NHSL2: variants seen among roughly 807,000 people sequenced by gnomAD.
The protein encoded by NHSL2 is NHS like 2, also known as NHS-like protein 2.
In NHSL2, 27 loss-of-function variants were observed where a neutral mutation model predicts 53.4. The observed-to-expected ratio is 0.51, with a 90% CI of 0.37 to 0.70. The LOEUF (loss-of-function observed/expected upper bound fraction) is 0.70. NHSL2 is among the 30% of genes least tolerant of loss of function. The pLI is 0.00. For synonymous variants in NHSL2, 408 were observed against 404.1 expected, an observed-to-expected ratio of 1.01 and a Z score of -0.12; for missense variants, 892 against 980.1, an observed-to-expected ratio of 0.91 and a Z score of 1.20.
At chrX:71,918,674 T>C (rs1401605231) in intron 1 of NHSL2, among the ~76,000 whole-genome samples, 2 of 112,154 alleles carry the variant, frequency 1.8e-5, no homozygotes, top group Non-Finnish European at 3.8e-5. Flanking sequence ...CTTGTTGTTA[T>C]ACACTGAGTG....
At chrX:72,129,819 T>G in intron 1 of NHSL2, 1 of 1,180,962 alleles carries the variant, frequency 8.5e-7, no homozygotes. Flanking sequence ...GGTGGCCATC[T>G]GGCCCCAGCA....
chrX:72,107,151 C>T (rs971806909), intron 1 of NHSL2, among the ~76,000 whole-genome samples: 30 of 110,332 alleles, frequency 2.7e-4, no homozygotes, highest in Non-Finnish European at 4.6e-4. Flanking sequence ...AGGCCGGGCG[C>T]GGTGGCTCAT....
chrX:72,140,047 G>T lies in NHSL2; in HGVS notation c.2499G>T (p.Leu833=), dbSNP rs2042400744. Residue 833 remains leucine (L), a synonymous_variant, in exon 6 of 8, where the codon CTG becomes CTT. Coordinates refer to ENST00000633930, the MANE Select transcript of NHSL2 (RefSeq NM_001013627.3). ...AGTCCGACCTACGTTCTGTTCGCCT[G>T]AGGTCGGTCAGCAAGTCTGAGCCGG... The part of the protein sequence containing the change: ...VTQSDLRSVR[L]RSVSKSEPED... 4.1e-6 allele frequency: 5 copies of T among 1,209,879 alleles called. No homozygotes were observed. The highest frequency in any genetic ancestry group is 5.6e-6 in the Non-Finnish European group (5 of 894,315).
At chrX:72,086,351 G>C (rs1246317461) in intron 1 of NHSL2, among the ~76,000 whole-genome samples, 1 of 111,830 alleles carries the variant, frequency 8.9e-6, no homozygotes, top group African/African-American at 3.3e-5. Flanking sequence ...AGTAATGGGG[G>C]TCACAGGGAG....
At chrX:71,983,945 C>G (rs1038077473) in intron 1 of NHSL2, among the ~76,000 whole-genome samples, 1 of 111,282 alleles carries the variant, frequency 9.0e-6, no homozygotes, top group African/African-American at 3.3e-5. Context: ...TGTGCCGACC[C>G]CCTATCTCAT....
intron 1 of NHSL2, among the ~76,000 whole-genome samples, chrX:72,045,887 GAT>G (rs893913786): frequency 8.9e-6 from 1 of 112,194 alleles, no homozygotes; most frequent in African/African-American, 3.2e-5. Context: ...TCATTTTTCT[GAT>G]ATGACTGAGA....
In NHSL2 at chrX:71,975,483, T is replaced by C. The variant is rs1324554543; in HGVS notation, c.280+64116T>C. Among the ~76,000 whole-genome samples the C allele has an allele frequency of 2.7e-5, 3 of 110,883 alleles. 1 individual carries two copies. The highest frequency in any genetic ancestry group is 1.9e-4 in the Admixed American group (2 of 10,349). ...CCCCTCTCTCCCCATCAGTAAATGC[T>C]TTCAATTGCTTCTCTAAAGAGCCTA... On this transcript the variant is annotated intron_variant, in intron 1 of 7. Coordinates refer to ENST00000633930, the MANE Select transcript of NHSL2 (RefSeq NM_001013627.3).
intron 2 of NHSL2, 87 bp downstream of exon 2, chrX:72,132,321 AC>A: frequency 1.2e-6 from 1 of 860,625 alleles, no homozygotes; most frequent in Non-Finnish European, 1.6e-6. Context: ...GAGGACAGGG[AC>A]CAGCAAGATA....
chrX:72,124,917 T>G (rs112253440), intron 1 of NHSL2, among the ~76,000 whole-genome samples: 13,230 of 111,239 alleles, frequency 0.12, 741 homozygotes, highest in South Asian at 0.21. Flanking sequence ...GATGTTTTCT[T>G]ACTCCTGGCA....
At position 72,138,534 on chromosome X, in the gene NHSL2, T is replaced by A. The variant is rs1381919390; in HGVS notation, c.986T>A (p.Val329Asp). 1 of 1,164,135 alleles carries A rather than the reference T, an allele frequency of 8.6e-7. No individual in the cohort carries two copies. Among genetic ancestry groups the A allele is most frequent in the Admixed American group, 2.6e-5 (1 of 38,408 alleles). ...GTTCCAGAAGGGGTTCATGGAAGAG[T>A]TGCAGTTGGTCAGGATGCTCGGTTC... ...HSVPEGVHGR[V>D]AVGQDARFPS... is the part of the protein sequence containing the mutation. The change falls in exon 6 of 8, where the codon GTT becomes GAT. Residue 329 changes from valine (V) to aspartate (D), a missense_variant. Transcript: ENST00000633930.
At chrX:71,967,154 T>A (rs2041904603) in intron 1 of NHSL2, among the ~76,000 whole-genome samples, 1 of 111,454 alleles carries the variant, frequency 9.0e-6, no homozygotes, top group South Asian at 3.7e-4. Context: ...CTCTTTCATT[T>A]GTAATATTAG....
intron 1 of NHSL2, among the ~76,000 whole-genome samples, chrX:71,947,004 T>C (rs2041795695): frequency 8.9e-6 from 1 of 112,178 alleles, no homozygotes; most frequent in African/African-American, 3.2e-5. Context: ...CCAAAGATTT[T>C]CCCATATGGT....
At chrX:72,056,949 C>T (rs192797651) in intron 1 of NHSL2, among the ~76,000 whole-genome samples, 1 of 112,584 alleles carries the variant, frequency 8.9e-6, no homozygotes, top group East Asian at 2.8e-4. Context: ...TGGGAGCCAG[C>T]AAGTATGGAG....
Position 72,143,727 on chromosome X carries a change from T to C in NHSL2, c.*153T>C. The C allele has an allele frequency of 2.4e-6, 1 of 414,014 alleles. No individual in the cohort carries two copies. 34.1% of individuals were successfully genotyped at this position (414,014 alleles called of 1,213,427 possible). ...ACAGCAGGAGAGAGGCTACTTCATC[T>C]AGAGCTAAAATCATCTGGCACTTAA... On this transcript the variant is annotated 3_prime_UTR_variant, in exon 8 of 8. Coordinates refer to ENST00000633930, the MANE Select transcript of NHSL2 (RefSeq NM_001013627.3).
chrX:72,144,378 C>A lies in NHSL2; in HGVS notation c.*804C>A. On this transcript the variant is annotated 3_prime_UTR_variant, in exon 8 of 8. Transcript: ENST00000633930. ...ATCTAGCCGAGGTAACTCACAAGTG[C>A]ACCTTGAGATCCTCCATGTGTCTGT... The A allele has an allele frequency of 2.5e-6, 1 of 392,962 alleles. No homozygotes were observed. The allele number at this position is 392,962 out of a possible 1,213,427, so 32.4% of individuals were successfully genotyped here.
At chrX:72,000,340 A>G (rs2042067260) in intron 1 of NHSL2, among the ~76,000 whole-genome samples, 1 of 112,183 alleles carries the variant, frequency 8.9e-6, no homozygotes, top group Non-Finnish European at 1.9e-5. Context: ...TATTAAGGCT[A>G]AGAGAGGTTA....
intron 1 of NHSL2, among the ~76,000 whole-genome samples, chrX:72,088,795 G>A (rs1462574290): frequency 8.9e-6 from 1 of 112,124 alleles, no homozygotes; most frequent in Non-Finnish European, 1.9e-5. Flanking sequence ...GTTCGTCTGG[G>A]TACCACCTCA....
At chrX:72,065,888 G>A (rs1024302493) in intron 1 of NHSL2, among the ~76,000 whole-genome samples, 3 of 111,911 alleles carry the variant, frequency 2.7e-5, no homozygotes, top group Admixed American at 9.5e-5. Flanking sequence ...CAGATTGAAT[G>A]GGCAGAGGGG....
At chrX:72,037,835 T>G (rs1274683969) in intron 1 of NHSL2, among the ~76,000 whole-genome samples, 1 of 111,872 alleles carries the variant, frequency 8.9e-6, no homozygotes, top group East Asian at 2.8e-4. Context: ...GATAGCCTGG[T>G]GCCAACAGAG....
Sources: allele counts gnomAD v4.1 joint callset (sites outside exome capture counted in the v4.1 genomes callset), GRCh38; gene constraint gnomAD v4.1.1; transcripts MANE v1.5; gene names NCBI Gene and HGNC (gene_info 2026-07-23, HGNC 2026-07-21).